The following SLC22A16 variants were observed in gnomAD, a reference collection of about 807,000 sequenced individuals.
SLC22A16 encodes WUGSC:RG331P03.1.
A neutral mutation model predicts 52.9 loss-of-function variants in SLC22A16; 53 were observed. The ratio of observed to expected loss-of-function variants is 1.00; its 90% CI spans 0.80 to 1.26. The LOEUF is 1.26. Ranked by LOEUF, SLC22A16 falls within the 50% of genes most tolerant of loss-of-function variation. The pLI is 0.00. For missense variants in SLC22A16, 726 were observed against 704.0 expected (o/e 1.03, Z -0.35); for synonymous variants, 291 against 268.8 (o/e 1.08, Z -0.81).
intron 6 of SLC22A16, among the ~76,000 whole-genome samples, chr6:110,431,645 AC>A (rs1370345097): frequency 6.6e-6 from 1 of 152,192 alleles, no homozygotes; most frequent in East Asian, 1.9e-4. Context: ...TGTTCTGACA[AC>A]CACGAAATCA....
chr6:110,466,948 G>A lies in SLC22A16; in HGVS notation c.53+9574C>T, dbSNP rs550452034. Among the ~76,000 whole-genome samples the A allele has an allele frequency of 1.3e-4, 20 of 152,046 alleles. 1 individual carries two copies. In the South Asian group the frequency reaches 3.5e-3, roughly 27 times the overall value. On this transcript the variant is annotated intron_variant, in intron 1 of 7. Coordinates refer to ENST00000368919, the MANE Select transcript of SLC22A16 (RefSeq NM_033125.4). The stretch of plus-strand genomic sequence containing the variant: ...AGATAGATAGATAGATAGATAGATA[G>A]ATAGATAGATAGATAGATAGATAAT...
At position 110,476,508 on chromosome 6, in the gene SLC22A16, C is replaced by CACCT. The variant is rs1776491505; in HGVS notation, c.53+13_53+14insAGGT. On this transcript the variant is annotated intron_variant, in intron 1 of 7. Coordinates refer to ENST00000368919, the MANE Select transcript of SLC22A16 (RefSeq NM_033125.4). ...CCGCCTCCCGCGTGGCGCCGCGGGGCCCCTCCCCCATACCTGCCGAAGTGC... is the reference window on the plus strand; with the variant it reads ...CCGCCTCCCGCGTGGCGCCGCGGGGCACCTCCCTCCCCCATACCTGCCGAAGTGC... 1.5e-6 allele frequency: 2 copies of CACCT among 1,361,034 alleles called. No homozygotes were observed. The highest frequency in any genetic ancestry group is 3.3e-5 in the East Asian group (1 of 30,620). The allele number at this position is 1,361,034 out of a possible 1,614,324, so 84.3% of individuals were successfully genotyped here.
chr6:110,426,697 C>T (rs1774268599), intron 7 of SLC22A16, among the ~76,000 whole-genome samples: 1 of 152,134 alleles, frequency 6.6e-6, no homozygotes, highest in Admixed American at 6.5e-5. Flanking sequence ...AGCCTATAAC[C>T]CCAGCATTTC....
chr6:110,430,120 G>A lies in SLC22A16; in HGVS notation c.1521+1051C>T, dbSNP rs183992638. Among the ~76,000 whole-genome samples the A allele has an allele frequency of 4.3e-4, 66 of 152,130 alleles. 1 individual carries two copies. Among genetic ancestry groups the A allele is most frequent in the Admixed American group, 3.2e-3 (49 of 15,278 alleles). On this transcript the variant is annotated intron_variant, in intron 7 of 7. Transcript: ENST00000368919. ...TCTGTGCTACCCAGACAGGGTGGGGGATGAAGCGCAAGGAGAAGACTGGGA... is the reference window on the plus strand; with the variant it reads ...TCTGTGCTACCCAGACAGGGTGGGGAATGAAGCGCAAGGAGAAGACTGGGA...
chr6:110,474,564 T>A lies in SLC22A16; in HGVS notation c.53+1958A>T, dbSNP rs1378014501. ...ACCAATATGGGAACTCAGGTAATGA[T>A]AATAGCCATGACTTATTGAGAACTT... On this transcript the variant is annotated intron_variant, in intron 1 of 7. Transcript: ENST00000368919. Among the ~76,000 whole-genome samples the A allele has an allele frequency of 2.6e-5, 4 of 152,230 alleles. No homozygotes were observed. In the East Asian group the frequency reaches 5.8e-4, roughly 22 times the overall value.
At position 110,457,017 on chromosome 6, in the gene SLC22A16, T is replaced by C; in HGVS notation, c.54A>G (p.Arg18=). ...ATATGAAATAGAGGACTCTCTGGAA[T>C]CTGCAAGAGAAGAAAAGCTAATTAT... ...GIYDHVGHFG[R]FQRVLYFICA... Residue 18 remains arginine, a splice_region_variant and synonymous_variant, in exon 2 of 8, where the codon AGA becomes AGG. Coordinates refer to ENST00000368919, the MANE Select transcript of SLC22A16 (RefSeq NM_033125.4). 2.0e-6 allele frequency: 3 copies of C among 1,520,708 alleles called. No homozygotes were observed. In the South Asian group the frequency reaches 4.1e-5, roughly 21 times the overall value. 94.2% of individuals were successfully genotyped at this position (1,520,708 alleles called of 1,614,324 possible). A position where few individuals can be genotyped will look rare whatever the true frequency, so the allele number is the denominator to read the frequency against.
intron 2 of SLC22A16, among the ~76,000 whole-genome samples, chr6:110,455,078 C>T (rs1039141472): frequency 2.9e-5 from 4 of 137,368 alleles, no homozygotes; most frequent in Non-Finnish European, 6.1e-5. Flanking sequence ...ACACACACAT[C>T]TCTGCATCTA....
At chr6:110,461,681 G>A (rs533974268) in intron 1 of SLC22A16, among the ~76,000 whole-genome samples, 2 of 152,124 alleles carry the variant, frequency 1.3e-5, no homozygotes, top group Non-Finnish European at 2.9e-5. Context: ...GCAACAAGCA[G>A]CATCTGGGAA....
At chr6:110,444,030 A>C (rs1407023186) in intron 3 of SLC22A16, among the ~76,000 whole-genome samples, 1 of 152,182 alleles carries the variant, frequency 6.6e-6, no homozygotes, top group Non-Finnish European at 1.5e-5. Context: ...ACGAGTTCTG[A>C]AGATGCACAG....
At chr6:110,434,460 T>G (rs572018926) in intron 6 of SLC22A16, among the ~76,000 whole-genome samples, 2 of 152,238 alleles carry the variant, frequency 1.3e-5, no homozygotes, top group African/African-American at 4.8e-5. Flanking sequence ...GCAGGAGCAC[T>G]GGGGGGATTC....
intron 5 of SLC22A16, among the ~76,000 whole-genome samples, chr6:110,436,319 A>G (rs1404608839): frequency 1.3e-5 from 2 of 152,200 alleles, no homozygotes; most frequent in Admixed American, 1.3e-4. Flanking sequence ...AGAATGAATC[A>G]AGGAGCCATA....
intron 1 of SLC22A16, among the ~76,000 whole-genome samples, chr6:110,458,233 T>C (rs1414965189): frequency 2.6e-5 from 4 of 152,146 alleles, no homozygotes; most frequent in African/African-American, 9.7e-5. Flanking sequence ...TGACCTTACC[T>C]ATCATTGGAG....
At chr6:110,470,437 A>G (rs1374107637) in intron 1 of SLC22A16, among the ~76,000 whole-genome samples, 1 of 152,066 alleles carries the variant, frequency 6.6e-6, no homozygotes, top group Non-Finnish European at 1.5e-5. Context: ...CAGCTCCACC[A>G]CTGAAAAGCT....
At chr6:110,428,863 T>C (rs565720241) in intron 7 of SLC22A16, among the ~76,000 whole-genome samples, 1 of 152,244 alleles carries the variant, frequency 6.6e-6, no homozygotes, top group East Asian at 1.9e-4. Context: ...GAGGTTGCAG[T>C]GAGCTGGGAT....
intron 4 of SLC22A16, among the ~76,000 whole-genome samples, chr6:110,439,598 A>G (rs1774885144): frequency 6.6e-6 from 1 of 152,256 alleles, no homozygotes; most frequent in Non-Finnish European, 1.5e-5. Context: ...ATCAGAAAAA[A>G]TAACCAGATG....
chr6:110,431,845 G>A (rs545722396), intron 6 of SLC22A16, among the ~76,000 whole-genome samples: 1 of 152,206 alleles, frequency 6.6e-6, no homozygotes, highest in East Asian at 1.9e-4. Context: ...TAGGAGTGTG[G>A]AGGTAAGCCA....
intron 3 of SLC22A16, among the ~76,000 whole-genome samples, chr6:110,445,509 G>A (rs1775135690): frequency 6.6e-6 from 1 of 152,144 alleles, no homozygotes; most frequent in Non-Finnish European, 1.5e-5. Flanking sequence ...ATCAATAAAT[G>A]TGTTGAGTAA....
At position 110,456,649 on chromosome 6, in the gene SLC22A16, A is replaced by G; in HGVS notation, c.422T>C (p.Val141Ala). ...GTCACAGACCAGGTTCCACTGGGTC[A>G]CCGCAGTGCTTTTCCATGTGTTCTG... Reference protein sequence around the residue: ...YDQNTWKSTAVTQWNLVCDRK... With the variant: ...YDQNTWKSTAATQWNLVCDRK... The change falls in exon 2 of 8, where the codon GTG becomes GCG. Residue 141 changes from valine (V) to alanine (A), a missense_variant. Physicochemically the swap from Val to Ala is moderately conservative, Grantham distance 64. Transcript: ENST00000368919. 6.2e-7 allele frequency: 1 copy of G among 1,614,220 alleles called. No homozygotes were observed. Among genetic ancestry groups the G allele is most frequent in the East Asian group, 2.2e-5 (1 of 44,886 alleles).
chr6:110,452,864 T>C (rs951285997), intron 2 of SLC22A16, among the ~76,000 whole-genome samples: 9 of 152,222 alleles, frequency 5.9e-5, no homozygotes, highest in African/African-American at 1.9e-4. Context: ...ATGAATTTTG[T>C]CCTCTAATAC....
Sources: gnomAD v4.1 joint callset for allele counts (sites outside exome capture counted in the v4.1 genomes callset) on GRCh38, gnomAD v4.1.1 for gene constraint, MANE v1.5 for transcripts, NCBI Gene and HGNC (gene_info 2026-07-23, HGNC 2026-07-21) for gene names.